SGCZ: variants seen among roughly 807,000 people sequenced by gnomAD.
The protein encoded by SGCZ is sarcoglycan zeta.
SGCZ carries 40 observed loss-of-function variants against 41.3 expected under a neutral mutation model. That is an observed-to-expected ratio of 0.97 (90% CI 0.75 to 1.26). The LOEUF is 1.26. Ranked by LOEUF, SGCZ falls within the 50% of genes most tolerant of loss-of-function variation. SGCZ has a pLI of 0.00. For missense variants in SGCZ, 552 were observed against 369.8 expected, an observed-to-expected ratio of 1.49 and a Z score of -4.04; for synonymous variants, 206 against 137.5, an observed-to-expected ratio of 1.50 and a Z score of -3.49.
chr8:14,508,343 C>A (rs1183105508), intron 2 of SGCZ, among the ~76,000 whole-genome samples: 2 of 151,980 alleles, frequency 1.3e-5, no homozygotes, highest in African/African-American at 4.8e-5. Flanking sequence ...AAATAGAAAA[C>A]CCCTATTAAA....
chr8:15,029,496 A>C (rs1391577866), intron 1 of SGCZ, among the ~76,000 whole-genome samples: 3 of 152,140 alleles, frequency 2.0e-5, no homozygotes, highest in Non-Finnish European at 4.4e-5. Context: ...GAAAGTTAGT[A>C]TGTTAACTAC....
At chr8:14,448,736 A>G (rs897270445) in intron 2 of SGCZ, among the ~76,000 whole-genome samples, 3 of 152,136 alleles carry the variant, frequency 2.0e-5, no homozygotes, top group Non-Finnish European at 4.4e-5. Context: ...GTATAACTCC[A>G]TGATCGCCGT....
At chr8:14,523,046 T>A (rs893300611) in intron 2 of SGCZ, among the ~76,000 whole-genome samples, 1 of 151,988 alleles carries the variant, frequency 6.6e-6, no homozygotes, top group South Asian at 2.1e-4. Context: ...CAGTATTTTA[T>A]CAGTTTGAAT....
At chr8:14,546,972 G>C (rs1264619595) in intron 2 of SGCZ, among the ~76,000 whole-genome samples, 6 of 151,724 alleles carry the variant, frequency 4.0e-5, no homozygotes, top group East Asian at 1.9e-4. Flanking sequence ...TTGCTTTAAA[G>C]TGTTATTGTG....
intron 2 of SGCZ, among the ~76,000 whole-genome samples, chr8:14,489,494 A>G (rs898638383): frequency 5.3e-5 from 8 of 151,922 alleles, no homozygotes; most frequent in African/African-American, 1.9e-4. Flanking sequence ...AATATGTGTG[A>G]GTGCATGTGC....
At chr8:14,791,260 G>C (rs549535101) in intron 1 of SGCZ, among the ~76,000 whole-genome samples, 2 of 151,832 alleles carry the variant, frequency 1.3e-5, no homozygotes, top group South Asian at 2.1e-4. Context: ...GTTTGCCAGA[G>C]ACTGCTTTTC....
intron 4 of SGCZ, among the ~76,000 whole-genome samples, chr8:14,178,359 C>G (rs1403569127): frequency 3.3e-5 from 5 of 152,190 alleles, no homozygotes; most frequent in Non-Finnish European, 7.3e-5. Flanking sequence ...TAGAATACAA[C>G]TGCTATAGCA....
intron 1 of SGCZ, among the ~76,000 whole-genome samples, chr8:15,032,915 G>C (rs1177833195): frequency 1.3e-5 from 2 of 150,458 alleles, no homozygotes; most frequent in African/African-American, 2.5e-5. Flanking sequence ...GCCTACCCCA[G>C]AATACAGACC....
At chr8:14,681,702 T>G (rs1808451275) in intron 1 of SGCZ, among the ~76,000 whole-genome samples, 1 of 152,214 alleles carries the variant, frequency 6.6e-6, no homozygotes, top group Non-Finnish European at 1.5e-5. Context: ...ATTATGTCCC[T>G]GATTATTAAT....
chr8:15,150,968 T>C (rs1799162705), intron 1 of SGCZ, among the ~76,000 whole-genome samples: 1 of 152,256 alleles, frequency 6.6e-6, no homozygotes, highest in Non-Finnish European at 1.5e-5. Flanking sequence ...GGCATGCTTC[T>C]AATTAATAGA....
At chr8:15,047,266 A>G (rs962544069) in intron 1 of SGCZ, among the ~76,000 whole-genome samples, 2 of 152,092 alleles carry the variant, frequency 1.3e-5, no homozygotes, top group Non-Finnish European at 2.9e-5. Flanking sequence ...AAAGTTTGAC[A>G]AAAGGATATA....
At chr8:14,738,863 C>A (rs1799122181) in intron 1 of SGCZ, among the ~76,000 whole-genome samples, 2 of 152,120 alleles carry the variant, frequency 1.3e-5, no homozygotes, top group Admixed American at 1.3e-4. Context: ...GAAATTGGAA[C>A]AGCCTGAATT....
chr8:14,732,980 T>G (rs760928174), intron 1 of SGCZ, among the ~76,000 whole-genome samples: 1 of 152,158 alleles, frequency 6.6e-6, no homozygotes, highest in Admixed American at 6.5e-5. Flanking sequence ...ATTTAAAACA[T>G]GTATTAACCT....
At chr8:14,402,194 T>C (rs1799096251) in intron 2 of SGCZ, among the ~76,000 whole-genome samples, 1 of 152,046 alleles carries the variant, frequency 6.6e-6, no homozygotes, top group South Asian at 2.1e-4. Context: ...ATTAGCCCTT[T>C]GTCAGATGAG....
chr8:14,139,357 A>G (rs1403144849), intron 5 of SGCZ, among the ~76,000 whole-genome samples: 7 of 152,026 alleles, frequency 4.6e-5, no homozygotes, highest in Non-Finnish European at 1.0e-4. Context: ...GCAGAGCTGA[A>G]GGAGATAGAC....
intron 1 of SGCZ, among the ~76,000 whole-genome samples, chr8:14,718,962 C>T (rs1325294274): frequency 6.7e-6 from 1 of 149,302 alleles, no homozygotes; most frequent in Non-Finnish European, 1.5e-5. Context: ...ATTAACTCGT[C>T]ATTTAGCATT....
At chr8:15,063,263 T>A (rs1805003812) in intron 1 of SGCZ, among the ~76,000 whole-genome samples, 1 of 152,082 alleles carries the variant, frequency 6.6e-6, no homozygotes, top group Non-Finnish European at 1.5e-5. Context: ...GATGTGCCAA[T>A]GAACATAAGC....
intron 1 of SGCZ, among the ~76,000 whole-genome samples, chr8:14,875,750 G>C (rs960363575): frequency 6.6e-6 from 1 of 152,076 alleles, no homozygotes; most frequent in Non-Finnish European, 1.5e-5. Context: ...CAGTAGTAGG[G>C]CAAGAAGAAA....
At chr8:14,637,312 T>TA (rs201158463) in intron 1 of SGCZ, among the ~76,000 whole-genome samples, 1,274 of 63,888 alleles carry the variant, frequency 0.02, 16 homozygotes, top group African/African-American at 0.061. Context: ...CTATTTTCAT[T>TA]TTTTTTTTTA....
Sources: gnomAD v4.1 joint callset for allele counts (sites outside exome capture counted in the v4.1 genomes callset) on GRCh38, gnomAD v4.1.1 for gene constraint, MANE v1.5 for transcripts, NCBI Gene and HGNC (gene_info 2026-07-23, HGNC 2026-07-21) for gene names.